The following PCDH15 variants were observed in gnomAD, a reference collection of about 807,000 sequenced individuals.
PCDH15 encodes protocadherin-15.
Under a neutral mutation model 178.5 loss-of-function variants are expected in PCDH15, and 129 were observed. The observed-to-expected ratio is 0.72, with a 90% confidence interval of 0.63 to 0.84. The LOEUF is 0.84. Ranked by LOEUF, PCDH15 falls within the 40% of genes least tolerant of loss-of-function variation. PCDH15 has a pLI of 0.00. For missense variants in PCDH15, 2,230 were observed against 2,099.9 expected, an observed-to-expected ratio of 1.06 and a Z score of -1.21; for synonymous variants, 800 against 732.0, an observed-to-expected ratio of 1.09 and a Z score of -1.50.
chr10:53,957,503 G>GCTTTTT (rs113683077), intron 23 of PCDH15, among the ~76,000 whole-genome samples: 1 of 140,574 alleles, frequency 7.1e-6, no homozygotes, highest in Non-Finnish European at 1.5e-5. Context: ...TATTTACTAT[G>GCTTTTT]TTTTTTTTTT....
At chr10:55,119,311 C>G (rs940064916) in intron 2 of PCDH15, among the ~76,000 whole-genome samples, 2 of 152,108 alleles carry the variant, frequency 1.3e-5, no homozygotes, top group Non-Finnish European at 2.9e-5. Flanking sequence ...TGTTTCTAAC[C>G]TGACCTTCGA....
At chr10:54,874,979 T>C (rs967538645) in intron 3 of PCDH15, among the ~76,000 whole-genome samples, 2 of 152,186 alleles carry the variant, frequency 1.3e-5, no homozygotes, top group African/African-American at 4.8e-5. Context: ...AGCAAATTGA[T>C]TAAAAGGCTG....
intron 15 of PCDH15, among the ~76,000 whole-genome samples, chr10:54,110,318 T>TAAA (rs35932845): frequency 7.4e-5 from 10 of 135,706 alleles, no homozygotes; most frequent in South Asian, 2.3e-4. Flanking sequence ...GTGGAAAGAT[T>TAAA]AAAAAAAAAA....
At chr10:54,308,227 T>C (rs2060671746) in intron 8 of PCDH15, among the ~76,000 whole-genome samples, 1 of 152,122 alleles carries the variant, frequency 6.6e-6, no homozygotes, top group East Asian at 1.9e-4. Context: ...GGAAAACTTA[T>C]AAACATCAGG....
rs749305630 is a variant in PCDH15, at chr10:54,153,272, C to T, written c.1612G>A (p.Glu538Lys). 5 of 1,613,752 alleles carry T rather than the reference C, an allele frequency of 3.1e-6. No individual in the cohort carries two copies. Among genetic ancestry groups the T allele is most frequent in the Non-Finnish European group, 3.4e-6 (4 of 1,179,822 alleles). Reference sequence around the variant, plus strand: ...TATGTGATCTCCCCATTTGACCCTTCGTCTGCGTCGACTGCAGTGAGCTGG... The same window carrying T: ...TATGTGATCTCCCCATTTGACCCTTTGTCTGCGTCGACTGCAGTGAGCTGG... ...VIQLTAVDAD[E>K]GSNGEITYEI... The change falls in exon 14 of 38, where the codon GAA becomes AAA. Residue 538 changes from glutamate to lysine, a missense_variant. Glu to Lys is a moderately conservative substitution (Grantham distance 56). Transcript: ENST00000644397.
intron 2 of PCDH15, among the ~76,000 whole-genome samples, chr10:54,632,085 A>C (rs1462100879): frequency 6.6e-6 from 1 of 152,194 alleles, no homozygotes; most frequent in African/African-American, 2.4e-5. Flanking sequence ...TACACCATGG[A>C]ATACTACACA....
At chr10:55,495,955 G>A (rs1251907773) in intron 2 of PCDH15, among the ~76,000 whole-genome samples, 2 of 151,836 alleles carry the variant, frequency 1.3e-5, no homozygotes, top group East Asian at 1.9e-4. Flanking sequence ...TTTATAAAAT[G>A]TTTACAATAG....
intron 2 of PCDH15, among the ~76,000 whole-genome samples, chr10:55,490,708 T>A (rs1456275312): frequency 1.3e-5 from 2 of 151,728 alleles, no homozygotes; most frequent in Non-Finnish European, 2.9e-5. Context: ...CAGGCATGTG[T>A]GGAAGACAGA....
chr10:54,171,860 A>T (rs867662597), intron 13 of PCDH15, among the ~76,000 whole-genome samples: 46 of 151,252 alleles, frequency 3.0e-4, no homozygotes, highest in African/African-American at 9.0e-4. Flanking sequence ...TCCCCACAAT[A>T]TCACCCCTTA....
At chr10:53,960,830 A>G (rs868110658) in intron 22 of PCDH15, among the ~76,000 whole-genome samples, 29 of 152,192 alleles carry the variant, frequency 1.9e-4, no homozygotes, top group African/African-American at 7.0e-4. Flanking sequence ...TGATAAAGCT[A>G]TTTCCCTACT....
chr10:54,953,162 A>G (rs544787606), intron 2 of PCDH15, among the ~76,000 whole-genome samples: 3 of 151,520 alleles, frequency 2.0e-5, no homozygotes, highest in African/African-American at 7.2e-5. Flanking sequence ...TATTTTGTAG[A>G]TGTTTTTTAA....
intron 11 of PCDH15, among the ~76,000 whole-genome samples, chr10:54,189,898 G>A (rs913954264): frequency 2.1e-5 from 3 of 145,538 alleles, no homozygotes; most frequent in African/African-American, 5.2e-5. Context: ...AAACTGATAT[G>A]GTTCATATAT....
intron 26 of PCDH15, among the ~76,000 whole-genome samples, chr10:53,891,081 A>G (rs1333026681): frequency 1.2e-5 from 1 of 85,928 alleles, no homozygotes; most frequent in East Asian, 7.3e-4. Context: ...TTAAAAGCTC[A>G]TTTTCCTCAT....
chr10:53,982,936 ACTTACTCAGG>A (rs2090788181), intron 21 of PCDH15, among the ~76,000 whole-genome samples: 1 of 152,164 alleles, frequency 6.6e-6, no homozygotes, highest in African/African-American at 2.4e-5. Flanking sequence ...TCAAGAAATT[ACTTACTCAGG>A]CTCACATTGT....
chr10:55,225,569 A>G (rs1240452098), intron 1 of PCDH15, among the ~76,000 whole-genome samples: 1 of 151,850 alleles, frequency 6.6e-6, no homozygotes, highest in Non-Finnish European at 1.5e-5. Flanking sequence ...TAAAAGCTTC[A>G]TAACTAGAGG....
At chr10:53,841,047 C>G (rs79920506) in intron 28 of PCDH15, among the ~76,000 whole-genome samples, 4,818 of 152,192 alleles carry the variant, frequency 0.032, 249 homozygotes, top group African/African-American at 0.11. Context: ...ATATGGCATG[C>G]AAATCTCAGA....
intron 37 of PCDH15, chr10:53,809,680 T>A: frequency 2.3e-6 from 2 of 856,176 alleles, no homozygotes; most frequent in Non-Finnish European, 3.6e-6. Flanking sequence ...CTTAAGAAAA[T>A]AATCACAAAA....
At chr10:54,586,565 TG>T (rs1355833602) in intron 2 of PCDH15, among the ~76,000 whole-genome samples, 1 of 152,204 alleles carries the variant, frequency 6.6e-6, no homozygotes, top group East Asian at 1.9e-4. Flanking sequence ...AAAATTATAT[TG>T]CTTCCTGATA....
intron 2 of PCDH15, among the ~76,000 whole-genome samples, chr10:54,597,819 C>A: frequency 6.6e-6 from 1 of 152,084 alleles, no homozygotes. Context: ...ACTGACCCCA[C>A]AAAACTACAA....
Sources: gnomAD v4.1 joint callset for allele counts (sites outside exome capture counted in the v4.1 genomes callset) on GRCh38, gnomAD v4.1.1 for gene constraint, MANE v1.5 for transcripts, NCBI Gene and HGNC (gene_info 2026-07-23, HGNC 2026-07-21) for gene names.